ASCC3: variants seen among roughly 807,000 people sequenced by gnomAD.
ASCC3 encodes ASC-1 complex subunit P200.
ASCC3 carries 158 observed loss-of-function variants against 256.3 expected under a neutral mutation model. The observed-to-expected ratio is 0.62, with a 90% CI of 0.54 to 0.70. The LOEUF is 0.70. Ranked by LOEUF, ASCC3 falls within the 30% of genes least tolerant of loss-of-function variation. ASCC3 has a pLI of 0.00. For synonymous variants in ASCC3, 948 were observed against 883.4 expected, an observed-to-expected ratio of 1.07 and a Z score of -1.30; for missense variants, 2,259 against 2,626.0, an observed-to-expected ratio of 0.86 and a Z score of 3.05.
chr6:100,879,286 T>C (rs1380103888), intron 1 of ASCC3, among the ~76,000 whole-genome samples: 1 of 152,194 alleles, frequency 6.6e-6, no homozygotes, highest in Non-Finnish European at 1.5e-5. Context: ...TGAGTTTTTA[T>C]GGAGGCTTCA....
intron 8 of ASCC3, among the ~76,000 whole-genome samples, chr6:100,797,873 C>CTGA (rs1469363875): frequency 6.6e-6 from 1 of 152,066 alleles, no homozygotes; most frequent in African/African-American, 2.4e-5. Flanking sequence ...TAGTGATAAA[C>CTGA]TGATGCTGCA....
chr6:100,599,148 T>TTGTGGCCTAAA (rs1772464156), intron 34 of ASCC3, among the ~76,000 whole-genome samples: 1 of 152,198 alleles, frequency 6.6e-6, no homozygotes, highest in Non-Finnish European at 1.5e-5. Context: ...GACAGCAGAT[T>TTGTGGCCTAAA]ATAGCCACAT....
At chr6:100,524,042 T>C (rs1027112262) in intron 37 of ASCC3, among the ~76,000 whole-genome samples, 5 of 152,266 alleles carry the variant, frequency 3.3e-5, no homozygotes, top group Middle Eastern at 3.4e-3. Context: ...GCATTAATAT[T>C]ACCCCCCTTC....
intron 34 of ASCC3, among the ~76,000 whole-genome samples, chr6:100,591,698 T>C (rs1311830978): frequency 6.6e-6 from 1 of 152,062 alleles, no homozygotes; most frequent in Non-Finnish European, 1.5e-5. Flanking sequence ...AGAAAGAAGA[T>C]ATTTTGAAAA....
chr6:100,711,572 C>A (rs947866016), intron 13 of ASCC3, among the ~76,000 whole-genome samples: 1 of 151,354 alleles, frequency 6.6e-6, no homozygotes, highest in African/African-American at 2.4e-5. Flanking sequence ...ACTAAAAATA[C>A]AAAAAAAATT....
chr6:100,813,826 A>G (rs985127756), intron 4 of ASCC3, among the ~76,000 whole-genome samples: 1 of 151,976 alleles, frequency 6.6e-6, no homozygotes, highest in South Asian at 2.1e-4. Context: ...AATTTTTATC[A>G]GCTTAAGGAG....
intron 3 of ASCC3, among the ~76,000 whole-genome samples, chr6:100,850,730 C>G (rs190513694): frequency 2.9e-4 from 44 of 152,238 alleles, no homozygotes; most frequent in African/African-American, 1.0e-3. Context: ...ATCTGACATA[C>G]AATTATTCTT....
chr6:100,533,551 A>G (rs1372543924), intron 37 of ASCC3, among the ~76,000 whole-genome samples: 1 of 152,070 alleles, frequency 6.6e-6, no homozygotes, highest in African/African-American at 2.4e-5. Flanking sequence ...ATGACTTCTG[A>G]AAAAAAACTT....
chr6:100,687,877 C>T (rs555568034), intron 13 of ASCC3, among the ~76,000 whole-genome samples: 8 of 151,842 alleles, frequency 5.3e-5, no homozygotes, highest in South Asian at 4.2e-4. Context: ...ATTCATATGG[C>T]GGTCAATACA....
rs1308956839 is a variant in ASCC3, at chr6:100,510,019, C to T, written c.6374G>A (p.Arg2125Lys). 5 of 1,614,096 alleles carry T rather than the reference C, an allele frequency of 3.1e-6. No homozygotes were observed. The highest frequency in any genetic ancestry group is 3.3e-5 in the Admixed American group (2 of 60,024). ...WFLILGEVDK[R>K]ELIALKRVGY... ...TACTCTTTTCAAAGCAATAAGTTCT[C>T]TCTTATCCACTTCTCCTAATATCAA... is the stretch of plus-strand genomic sequence containing the variant. Residue 2125 changes from arginine to lysine, a missense_variant, in exon 41 of 42, where the codon AGA (arginine) becomes AAA (lysine). Around this residue, in one of 2 missense-constraint regions of ASCC3, gnomAD observed 1,839 missense variants for 2,206.7 expected, o/e 0.83. Coordinates refer to ENST00000369162, the MANE Select transcript of ASCC3 (RefSeq NM_006828.4).
At chr6:100,653,244 G>A (rs1228942163) in intron 17 of ASCC3, among the ~76,000 whole-genome samples, 1 of 151,608 alleles carries the variant, frequency 6.6e-6, no homozygotes, top group Admixed American at 6.6e-5. Flanking sequence ...AAGTAAATAG[G>A]GATTTTAAAT....
At chr6:100,565,115 A>G (rs797007644) in intron 36 of ASCC3, among the ~76,000 whole-genome samples, 21 of 152,342 alleles carry the variant, frequency 1.4e-4, no homozygotes, top group African/African-American at 5.1e-4. Flanking sequence ...GCATTACCAA[A>G]GAACTGGATT....
intron 30 of ASCC3, among the ~76,000 whole-genome samples, chr6:100,616,601 T>C (rs1253013414): frequency 6.6e-6 from 1 of 152,194 alleles, no homozygotes; most frequent in Non-Finnish European, 1.5e-5. Context: ...AATTTTTCCA[T>C]GGTTTGCTCC....
At chr6:100,527,624 T>C (rs1257794737) in intron 37 of ASCC3, among the ~76,000 whole-genome samples, 1 of 152,226 alleles carries the variant, frequency 6.6e-6, no homozygotes, top group Non-Finnish European at 1.5e-5. Flanking sequence ...CCTGGCATCA[T>C]AAAATATTCC....
chr6:100,598,220 C>T (rs1489928587), intron 34 of ASCC3, among the ~76,000 whole-genome samples: 2 of 152,016 alleles, frequency 1.3e-5, no homozygotes, highest in African/African-American at 4.8e-5. Flanking sequence ...ATACTCAACC[C>T]TCTTTTTGGG....
At chr6:100,525,601 T>C (rs1420227084) in intron 37 of ASCC3, among the ~76,000 whole-genome samples, 1 of 151,962 alleles carries the variant, frequency 6.6e-6, no homozygotes, top group East Asian at 1.9e-4. Context: ...AGAAAAAAAT[T>C]TTAAAAAGAA....
chr6:100,779,653 C>A (rs1219558682), intron 8 of ASCC3, among the ~76,000 whole-genome samples: 1 of 152,142 alleles, frequency 6.6e-6, no homozygotes, highest in Admixed American at 6.5e-5. Context: ...GTAATAGATT[C>A]AGATAAACAA....
chr6:100,584,045 G>C (rs1396616320), intron 36 of ASCC3, among the ~76,000 whole-genome samples: 1 of 151,800 alleles, frequency 6.6e-6, no homozygotes, highest in Non-Finnish European at 1.5e-5. Flanking sequence ...GTGTGGTGCT[G>C]AAAAAAATGT....
chr6:100,711,115 G>A (rs1009875478), intron 13 of ASCC3, among the ~76,000 whole-genome samples: 35 of 152,094 alleles, frequency 2.3e-4, no homozygotes, highest in African/African-American at 8.0e-4. Flanking sequence ...TTATTCTAAT[G>A]CGAAGCAATC....
Sources: gnomAD v4.1 joint callset for allele counts (sites outside exome capture counted in the v4.1 genomes callset) on GRCh38, gnomAD v4.1.1 for gene constraint, gnomAD v4.1.1 regional missense constraint, MANE v1.5 for transcripts, NCBI Gene and HGNC (gene_info 2026-07-23, HGNC 2026-07-21) for gene names.